Variants in COBL observed in about 807,000 individuals in gnomAD.
COBL encodes protein cordon-bleu.
COBL carries 51 observed loss-of-function variants against 98.8 expected under a neutral mutation model. The observed-to-expected ratio is 0.52, with a 90% CI of 0.41 to 0.65. COBL has a LOEUF of 0.65. COBL is among the 30% of genes least tolerant of loss of function. COBL has a pLI of 0.00. For synonymous variants in COBL, 634 were observed against 651.7 expected (o/e 0.97, Z 0.41); for missense variants, 1,617 against 1,617.5 (o/e 1.00, Z 0.01).
chr7:51,034,450 G>A (rs1460374584), intron 8 of COBL: 1 of 152,262 alleles, frequency 6.6e-6, no homozygotes, highest in African/African-American at 2.4e-5. Flanking sequence ...TTCTGAGCAT[G>A]TATGAATGGA....
intron 6 of COBL, among the ~76,000 whole-genome samples, chr7:51,099,832 C>T (rs1306410761): frequency 1.3e-5 from 2 of 152,158 alleles, no homozygotes; most frequent in Non-Finnish European, 2.9e-5. Flanking sequence ...AGAATTCTTT[C>T]AAATAAATGG....
At chr7:51,076,530 T>C (rs1793089913) in intron 7 of COBL, among the ~76,000 whole-genome samples, 1 of 152,250 alleles carries the variant, frequency 6.6e-6, no homozygotes, top group African/African-American at 2.4e-5. Flanking sequence ...GCTTAAAATG[T>C]AAATCATTAT....
chr7:51,088,926 G>A (rs1477794342), intron 6 of COBL, among the ~76,000 whole-genome samples: 1 of 152,198 alleles, frequency 6.6e-6, no homozygotes, highest in Non-Finnish European at 1.5e-5. Context: ...CTGTGTCGGT[G>A]CAGACTTGGT....
chr7:51,061,830 T>C (rs1218279271), intron 7 of COBL, among the ~76,000 whole-genome samples: 3 of 152,056 alleles, frequency 2.0e-5, no homozygotes, highest in African/African-American at 7.2e-5. Flanking sequence ...GAGACTTGGA[T>C]AGAATCTCAT....
intron 5 of COBL, among the ~76,000 whole-genome samples, chr7:51,171,197 G>A (rs1028937155): frequency 6.6e-6 from 1 of 152,072 alleles, no homozygotes; most frequent in African/African-American, 2.4e-5. Flanking sequence ...ATACCTGCCA[G>A]AAGTTAATAT....
At position 51,018,903 on chromosome 7, in the gene COBL, AAAATATATATATATATATAT is replaced by A. The variant is rs1261411366; in HGVS notation, c.3769-1355_3769-1336del. 1.9e-4 allele frequency among the ~76,000 whole-genome samples: 11 copies of A among 57,224 alleles called. 1 individual carries two copies. The highest frequency in any genetic ancestry group is 8.9e-4 in the African/African-American group (11 of 12,324). The allele number at this position is 57,224 out of a possible 152,430, so 37.5% of individuals were successfully genotyped here. A position where few individuals can be genotyped will look rare whatever the true frequency, so the allele number is the denominator to read the frequency against. Reference sequence around the variant, plus strand: ...AGAAACTCCATCTCAAAAAAAAAAAAAAATATATATATATATATATATATATATATATATATATATATATA... The same window carrying A: ...AGAAACTCCATCTCAAAAAAAAAAAAATATATATATATATATATATATATA... On this transcript the variant is annotated intron_variant, in intron 12 of 12. Transcript: ENST00000265136.
chr7:51,080,268 T>A (rs545677831), intron 7 of COBL, among the ~76,000 whole-genome samples: 1 of 152,252 alleles, frequency 6.6e-6, no homozygotes. Context: ...AAATCCATTA[T>A]CCATTAGCTT....
intron 6 of COBL, among the ~76,000 whole-genome samples, chr7:51,101,163 G>T (rs1795773242): frequency 6.6e-6 from 1 of 152,164 alleles, no homozygotes; most frequent in South Asian, 2.1e-4. Context: ...CCCAGTCATG[G>T]TGCTACTCCT....
intron 12 of COBL, among the ~76,000 whole-genome samples, chr7:51,020,324 C>T (rs777497588): frequency 5.1e-4 from 78 of 152,172 alleles, no homozygotes; most frequent in African/African-American, 1.5e-3. Flanking sequence ...TTAGCCTGTC[C>T]CAGCTTCTTT....
At chr7:51,177,735 T>C (rs1788511842) in intron 5 of COBL, among the ~76,000 whole-genome samples, 1 of 151,010 alleles carries the variant, frequency 6.6e-6, no homozygotes, top group South Asian at 2.1e-4. Context: ...ATCATGCCAC[T>C]GCACTCCAGT....
chr7:51,158,545 C>A (rs1038767865), intron 5 of COBL, among the ~76,000 whole-genome samples: 4 of 152,128 alleles, frequency 2.6e-5, no homozygotes, highest in African/African-American at 9.7e-5. Flanking sequence ...GCTGAGGAGA[C>A]AACAAGGGAG....
At chr7:51,188,202 C>G (rs1409959378) in intron 4 of COBL, among the ~76,000 whole-genome samples, 1 of 152,256 alleles carries the variant, frequency 6.6e-6, no homozygotes, top group Non-Finnish European at 1.5e-5. Flanking sequence ...GATGCTCCCA[C>G]CGGGGATTCC....
At chr7:51,102,800 A>G (rs1190510738) in intron 6 of COBL, among the ~76,000 whole-genome samples, 2 of 152,226 alleles carry the variant, frequency 1.3e-5, no homozygotes, top group East Asian at 1.9e-4. Context: ...GCCAAGGCCC[A>G]TGGGCAAATA....
intron 2 of COBL, among the ~76,000 whole-genome samples, chr7:51,208,920 G>A (rs551104175): frequency 5.9e-5 from 9 of 151,942 alleles, no homozygotes; most frequent in Admixed American, 1.3e-4. Context: ...GCAGAAGGCC[G>A]CAGGGTCCTC....
At chr7:51,276,110 A>C (rs1482988344) in intron 1 of COBL, among the ~76,000 whole-genome samples, 1 of 152,216 alleles carries the variant, frequency 6.6e-6, no homozygotes, top group African/African-American at 2.4e-5. Flanking sequence ...GGGACCATGC[A>C]ACTTCTTCTG....
chr7:51,259,278 C>T (rs1797491520), intron 1 of COBL, among the ~76,000 whole-genome samples: 1 of 143,242 alleles, frequency 7.0e-6, no homozygotes, highest in Admixed American at 6.9e-5. Flanking sequence ...CAGAGTGAGA[C>T]TCCAGCTCAA....
intron 5 of COBL, among the ~76,000 whole-genome samples, chr7:51,174,375 C>T (rs1788162867): frequency 1.3e-5 from 2 of 151,712 alleles, no homozygotes; most frequent in African/African-American, 4.8e-5. Context: ...AAACAAGAAG[C>T]TAAAATTTAA....
intron 1 of COBL, among the ~76,000 whole-genome samples, chr7:51,252,648 G>T (rs1385140669): frequency 1.3e-5 from 2 of 152,164 alleles, no homozygotes; most frequent in African/African-American, 4.8e-5. Flanking sequence ...CACTACAGAG[G>T]AGTACAGGTG....
intron 1 of COBL, among the ~76,000 whole-genome samples, chr7:51,235,865 C>T (rs896915435): frequency 6.6e-6 from 1 of 152,200 alleles, no homozygotes; most frequent in Non-Finnish European, 1.5e-5. Context: ...TACCCACCCC[C>T]TCCTGCACTC....
Sources: gnomAD v4.1 joint callset for allele counts (sites outside exome capture counted in the v4.1 genomes callset) on GRCh38, gnomAD v4.1.1 for gene constraint, MANE v1.5 for transcripts, NCBI Gene and HGNC (gene_info 2026-07-23, HGNC 2026-07-21) for gene names.